Variants in ARMC8 observed in about 807,000 individuals in gnomAD.
ARMC8 encodes armadillo repeat containing 8.
A neutral mutation model predicts 99.3 loss-of-function variants in ARMC8; 20 were observed. The observed-to-expected ratio is 0.20, with a 90% CI of 0.14 to 0.29. The LOEUF (loss-of-function observed/expected upper bound fraction) is 0.29, where lower values mean the gene tolerates loss of function less well. Among genes scored for constraint, ARMC8 ranks in the 10% least tolerant of loss-of-function variants. ARMC8 has a pLI of 1.00. For missense variants in ARMC8, 569 were observed against 809.5 expected, an observed-to-expected ratio of 0.70 and a Z score of 3.60; for synonymous variants, 263 against 278.3, an observed-to-expected ratio of 0.95 and a Z score of 0.55.
rs71146120 is a variant in ARMC8, at chr3:138,235,798, CT to C, written c.609+709del. ...AGTGACTCCATTCTGTCCTTTTAGTCTTTTTTTTTTTTTTTTTTTTTTTTTG... is the reference window on the plus strand; with the variant it reads ...AGTGACTCCATTCTGTCCTTTTAGTCTTTTTTTTTTTTTTTTTTTTTTTTG... On this transcript the variant is annotated intron_variant, in intron 7 of 21. Coordinates refer to ENST00000469044, the MANE Select transcript of ARMC8 (RefSeq NM_001363941.2). Among the ~76,000 whole-genome samples the C allele has an allele frequency of 6.9e-3, 554 of 80,540 alleles. 1 individual carries two copies. Among genetic ancestry groups the C allele is most frequent in the African/African-American group, 0.022 (435 of 19,838 alleles). 52.8% of individuals were successfully genotyped at this position (80,540 alleles called of 152,430 possible). A position where few individuals can be genotyped will look rare whatever the true frequency, so the allele number is the denominator to read the frequency against.
At chr3:138,247,805 T>G (rs910284794) in intron 12 of ARMC8, among the ~76,000 whole-genome samples, 4 of 152,236 alleles carry the variant, frequency 2.6e-5, no homozygotes, top group Admixed American at 1.3e-4. Flanking sequence ...GAATGTGACT[T>G]GTAGATCAGA....
intron 5 of ARMC8, among the ~76,000 whole-genome samples, chr3:138,223,957 C>CTTT (rs1037473550): frequency 1.5e-5 from 2 of 133,650 alleles, no homozygotes; most frequent in African/African-American, 2.8e-5. Flanking sequence ...GACTCCATCT[C>CTTT]TTTTTTTTTT....
intron 2 of ARMC8, among the ~76,000 whole-genome samples, chr3:138,214,818 T>C (rs775132996): frequency 4.6e-5 from 7 of 152,278 alleles, no homozygotes; most frequent in Middle Eastern, 3.4e-3. Context: ...CATGCACAGC[T>C]AATTTTTGTA....
intron 2 of ARMC8, among the ~76,000 whole-genome samples, chr3:138,218,448 A>G (rs1193338026): frequency 6.6e-6 from 1 of 152,150 alleles, no homozygotes; most frequent in African/African-American, 2.4e-5. Context: ...TTTTCAGTTC[A>G]GGCTCCTTGT....
In ARMC8 at chr3:138,187,376, T is replaced by C. The variant is rs1388635037; in HGVS notation, c.-179T>C. On this transcript the variant is annotated 5_prime_UTR_variant, in exon 1 of 22. Coordinates refer to ENST00000469044, the MANE Select transcript of ARMC8 (RefSeq NM_001363941.2). ...ATTCGTAGGACAGCCCCTGACGCCA[T>C]TCCCTTTTGCCCTTCTTTCTGCGGG... 5.0e-6 allele frequency: 3 copies of C among 597,604 alleles called. No homozygotes were observed. The highest frequency in any genetic ancestry group is 8.9e-6 in the Non-Finnish European group (3 of 337,544). 37.0% of individuals were successfully genotyped at this position (597,604 alleles called of 1,614,324 possible).
At chr3:138,233,474 G>A (rs2046166103) in intron 6 of ARMC8, among the ~76,000 whole-genome samples, 1 of 152,106 alleles carries the variant, frequency 6.6e-6, no homozygotes, top group African/African-American at 2.4e-5. Flanking sequence ...AATATACAAT[G>A]GGGGTTTGTA....
intron 21 of ARMC8, among the ~76,000 whole-genome samples, chr3:138,291,985 G>A (rs1321815558): frequency 1.3e-5 from 2 of 152,050 alleles, no homozygotes; most frequent in Non-Finnish European, 2.9e-5. Context: ...TTAAGGAGAG[G>A]AGACATTATC....
intron 1 of ARMC8, among the ~76,000 whole-genome samples, chr3:138,200,504 T>C (rs2043992973): frequency 6.6e-6 from 1 of 152,232 alleles, no homozygotes. Context: ...TTTGCCTACA[T>C]GACTGGAGAG....
intron 1 of ARMC8, chr3:138,188,366 G>T: frequency 7.0e-7 from 1 of 1,421,802 alleles, no homozygotes; most frequent in Non-Finnish European, 9.3e-7. Context: ...GACATGCCAG[G>T]AAGTAAAACC....
At chr3:138,218,556 G>T (rs2045214670) in intron 2 of ARMC8, among the ~76,000 whole-genome samples, 1 of 152,128 alleles carries the variant, frequency 6.6e-6, no homozygotes, top group Admixed American at 6.5e-5. Flanking sequence ...CCTGACTATT[G>T]TCTAAGGTTT....
chr3:138,237,549 GATGCAGCTCAC>G lies in ARMC8; in HGVS notation c.756_766del (p.Met252IlefsTer10). 6.2e-7 allele frequency: 1 copy of G among 1,613,232 alleles called. No homozygotes were observed. Among genetic ancestry groups the G allele is most frequent in the Non-Finnish European group, 8.5e-7 (1 of 1,179,906 alleles). ...TGTTACAGAGGGATAAGCCTATTGAGATGCAGCTCACATCAGCAAAATGGTAAAAGTCAGGA... is the reference window on the plus strand; with the variant it reads ...TGTTACAGAGGGATAAGCCTATTGAGATCAGCAAAATGGTAAAAGTCAGGA... On this transcript the variant is annotated frameshift_variant, in exon 9 of 22. Coordinates refer to ENST00000469044, the MANE Select transcript of ARMC8 (RefSeq NM_001363941.2). LOFTEE classifies it high-confidence loss of function.
Position 138,292,226 on chromosome 3 carries a change from G to T in ARMC8, c.1988+1587G>T, listed in dbSNP as rs183392495. 1.7e-3 allele frequency among the ~76,000 whole-genome samples: 262 copies of T among 152,216 alleles called. 1 individual carries two copies. The highest frequency in any genetic ancestry group is 5.9e-3 in the African/African-American group (245 of 41,544). ...CTAATTTTTTTGTATTTTTAGTAGA[G>T]ACAGGGTTTTACCATGTTGGCCAGG... On this transcript the variant is annotated intron_variant, in intron 21 of 21. Coordinates refer to ENST00000469044, the MANE Select transcript of ARMC8 (RefSeq NM_001363941.2).
chr3:138,272,334 A>C (rs1277899661), intron 16 of ARMC8, among the ~76,000 whole-genome samples: 1 of 152,234 alleles, frequency 6.6e-6, no homozygotes, highest in Non-Finnish European at 1.5e-5. Context: ...CATTTCGTGT[A>C]CAGCAGGCAA....
chr3:138,201,668 T>A (rs2044091282), intron 1 of ARMC8, among the ~76,000 whole-genome samples: 1 of 151,562 alleles, frequency 6.6e-6, no homozygotes, highest in Admixed American at 6.6e-5. Flanking sequence ...ACCATGTTGG[T>A]CAGGTTGGTC....
chr3:138,267,044 G>C (rs1276648856), intron 14 of ARMC8, 111 bp from the exon 15 acceptor site: 3 of 626,200 alleles, frequency 4.8e-6, no homozygotes, highest in East Asian at 5.9e-5. Flanking sequence ...CCAATACGAA[G>C]AATCAGGTTG....
chr3:138,204,980 G>T (rs1355840639), intron 1 of ARMC8, among the ~76,000 whole-genome samples: 1 of 148,728 alleles, frequency 6.7e-6, no homozygotes, highest in East Asian at 2.0e-4. Flanking sequence ...CTGAATTTTT[G>T]ATCTTCCCAG....
chr3:138,264,155 T>C lies in ARMC8; in HGVS notation c.1242T>C (p.Ser414=). ...GATGTTTGCACAGTTTATCCAGATC[T>C]GTGCAGCAGCTTCGAACCAGTTTCC... ...AVRCLHSLSR[S]VQQLRTSFQD... Residue 414 remains serine (S), a synonymous_variant, in exon 14 of 22, where the codon TCT becomes TCC. Transcript: ENST00000469044. 1 of 1,613,988 alleles carries C rather than the reference T, an allele frequency of 6.2e-7. No homozygotes were observed. The highest frequency in any genetic ancestry group is 8.5e-7 in the Non-Finnish European group (1 of 1,179,860).
chr3:138,254,108 T>G (rs559251564), intron 12 of ARMC8, among the ~76,000 whole-genome samples: 1 of 152,364 alleles, frequency 6.6e-6, no homozygotes, highest in African/African-American at 2.4e-5. Flanking sequence ...ACTGTCTAAA[T>G]ATGATTTTAT....
intron 1 of ARMC8, chr3:138,187,817 C>G: frequency 1.8e-6 from 1 of 558,020 alleles, no homozygotes; most frequent in Non-Finnish European, 3.2e-6. Flanking sequence ...GAGCTCCCGC[C>G]GGTGCGGGTT....
Sources: allele counts gnomAD v4.1 joint callset (sites outside exome capture counted in the v4.1 genomes callset), GRCh38; gene constraint gnomAD v4.1.1; transcripts MANE v1.5; gene names NCBI Gene and HGNC (gene_info 2026-07-23, HGNC 2026-07-21).